The following IPMK variants were observed in gnomAD, a reference collection of about 807,000 sequenced individuals.
The protein encoded by IPMK is inositol polyphosphate multikinase, also known as inositol 1,3,4,6-tetrakisphosphate 5-kinase.
A neutral mutation model predicts 45.8 loss-of-function variants in IPMK; 17 were observed. The ratio of observed to expected loss-of-function variants is 0.37; its 90% CI spans 0.25 to 0.56. The LOEUF is 0.56. IPMK is among the 20% of genes least tolerant of loss of function. The pLI is 0.79. For missense variants in IPMK, 399 were observed against 498.0 expected, an observed-to-expected ratio of 0.80 and a Z score of 1.89; for synonymous variants, 180 against 184.3, an observed-to-expected ratio of 0.98 and a Z score of 0.19.
intron 3 of IPMK, among the ~76,000 whole-genome samples, chr10:58,223,909 AT>A (rs1838374937): frequency 6.6e-6 from 1 of 152,072 alleles, no homozygotes; most frequent in Non-Finnish European, 1.5e-5. Context: ...TTCCACCATG[AT>A]TTTAAGTTTC....
intron 4 of IPMK, chr10:58,212,940 C>T (rs1007779171): frequency 4.7e-6 from 1 of 212,520 alleles, no homozygotes; most frequent in Non-Finnish European, 1.0e-5. Context: ...TATTCCCCTC[C>T]ACCACCAGGC....
At chr10:58,238,508 ACGTCAAAATC>A (rs1188899039) in intron 1 of IPMK, among the ~76,000 whole-genome samples, 8 of 152,360 alleles carry the variant, frequency 5.3e-5, no homozygotes, top group Admixed American at 3.3e-4. Context: ...CCAAATTTAT[ACGTCAAAATC>A]TTAAATTTTG....
chr10:58,244,066 T>A (rs1838747517), intron 1 of IPMK, among the ~76,000 whole-genome samples: 1 of 148,354 alleles, frequency 6.7e-6, no homozygotes, highest in Non-Finnish European at 1.5e-5. Flanking sequence ...CCGCTCTTCG[T>A]CTGGGAGGTG....
intron 1 of IPMK, 55 bp downstream of exon 1, chr10:58,267,367 A>G: frequency 6.3e-7 from 1 of 1,575,460 alleles, no homozygotes; most frequent in Non-Finnish European, 8.7e-7. Flanking sequence ...CTCCGCTGAC[A>G]GGGGGCTCGC....
chr10:58,195,238 T>C lies in IPMK; in HGVS notation c.*838A>G, dbSNP rs1837874174. ...AATAAAACTTCAATTATTTACTTTT[T>C]TGAAGCTGCATTTAGATACAAAGGT... On this transcript the variant is annotated 3_prime_UTR_variant, in exon 6 of 6. Transcript: ENST00000373935. The C allele has an allele frequency of 6.6e-6, 1 of 152,136 alleles. No individual in the cohort carries two copies. The highest frequency in any genetic ancestry group is 1.5e-5 in the Non-Finnish European group (1 of 67,934). The allele number at this position is 152,136 out of a possible 1,614,324, so 9.4% of individuals were successfully genotyped here.
At position 58,267,494 on chromosome 10, in the gene IPMK, G is replaced by C; in HGVS notation, c.118C>G (p.Leu40Val). 1 of 1,613,606 alleles carries C rather than the reference G, an allele frequency of 6.2e-7. No individual in the cohort carries two copies. Among genetic ancestry groups the C allele is most frequent in the Admixed American group, 1.7e-5 (1 of 60,000 alleles). ...GGCACGCAGCCGTTGAGGAAGCGGA[G>C]TCTGCCGCCCGCCGGCTGCGGGGTG... Reference protein sequence around the residue: ...EGTPQPAGGRLRFLNGCVPLS... With the variant: ...EGTPQPAGGRVRFLNGCVPLS... The change falls in exon 1 of 6, where the codon CTC (leucine) becomes GTC (valine). Residue 40 changes from leucine (L) to valine (V), a missense_variant. Leu to Val is a conservative substitution (Grantham distance 32). Transcript: ENST00000373935.
chr10:58,247,324 T>C (rs1292164381), intron 1 of IPMK, among the ~76,000 whole-genome samples: 2 of 151,616 alleles, frequency 1.3e-5, no homozygotes, highest in African/African-American at 4.9e-5. Context: ...CAAAGGATTA[T>C]AAATCATGCT....
rs576923391 is a variant in IPMK at position 58,217,761 on chromosome 10, T to C, written c.374-1444A>G. On this transcript the variant is annotated intron_variant, in intron 3 of 5. Coordinates refer to ENST00000373935, the MANE Select transcript of IPMK (RefSeq NM_152230.5). ...TCATGACTCATTTTTTAGTTAGGAA[T>C]GTAACAAGAAGTATTTCTCCTCAAA... Among the ~76,000 whole-genome samples, 15 of 149,200 alleles carry C rather than the reference T, an allele frequency of 1.0e-4. No individual in the cohort carries two copies. The South Asian group carries it at 3.2e-3, about 31-fold the overall frequency.
chr10:58,211,613 G>A (rs940850105), intron 4 of IPMK, among the ~76,000 whole-genome samples: 13 of 152,008 alleles, frequency 8.6e-5, no homozygotes, highest in Non-Finnish European at 7.4e-5. Flanking sequence ...TCCCAGCACT[G>A]CTTGGGATTG....
intron 4 of IPMK, among the ~76,000 whole-genome samples, chr10:58,210,571 T>C (rs1262142700): frequency 6.6e-6 from 1 of 152,180 alleles, no homozygotes; most frequent in East Asian, 1.9e-4. Context: ...TGAGATCCCA[T>C]GTGAAATATA....
At chr10:58,260,384 CA>C (rs959755585) in intron 1 of IPMK, among the ~76,000 whole-genome samples, 1 of 152,106 alleles carries the variant, frequency 6.6e-6, no homozygotes, top group African/African-American at 2.4e-5. Context: ...GGAATAATGG[CA>C]AAAGCCAAAT....
intron 1 of IPMK, among the ~76,000 whole-genome samples, chr10:58,248,262 A>C (rs548440977): frequency 1.1e-4 from 16 of 152,256 alleles, no homozygotes; most frequent in African/African-American, 3.9e-4. Context: ...TTGCACATCA[A>C]TGTGCATGTA....
intron 1 of IPMK, among the ~76,000 whole-genome samples, chr10:58,244,469 G>A (rs994072791): frequency 3.1e-4 from 37 of 121,122 alleles, no homozygotes; most frequent in African/African-American, 1.1e-3. Context: ...CCCGGCCGCC[G>A]CCCCGTCTGG....
intron 3 of IPMK, 32 bp downstream of exon 3, chr10:58,227,011 A>G (rs1448319677): frequency 6.8e-7 from 1 of 1,474,772 alleles, no homozygotes; most frequent in Non-Finnish European, 9.5e-7. Context: ...TCATGAATTA[A>G]AACTGAAAGA....
At chr10:58,221,488 T>C (rs1341014485) in intron 3 of IPMK, among the ~76,000 whole-genome samples, 1 of 152,140 alleles carries the variant, frequency 6.6e-6, no homozygotes, top group Non-Finnish European at 1.5e-5. Flanking sequence ...ATAAAAAAGA[T>C]GACAGCAAAT....
Position 58,228,476 on chromosome 10 carries a change from G to A in IPMK, c.277-1337C>T, listed in dbSNP as rs573147876. On this transcript the variant is annotated intron_variant, in intron 2 of 5. Coordinates refer to ENST00000373935, the MANE Select transcript of IPMK (RefSeq NM_152230.5). Reference sequence around the variant, plus strand: ...TTTAGAATATTTTTTAAAAGTAGTGGGACTGGTGTTTACTGCAACATGCCA... The same window carrying A: ...TTTAGAATATTTTTTAAAAGTAGTGAGACTGGTGTTTACTGCAACATGCCA... Among the ~76,000 whole-genome samples, 528 of 152,254 alleles carry A rather than the reference G, an allele frequency of 3.5e-3. 2 individuals carry two copies. Among genetic ancestry groups the A allele is most frequent in the Non-Finnish European group, 5.6e-3 (378 of 68,002 alleles).
At chr10:58,261,484 G>A (rs937418931) in intron 1 of IPMK, among the ~76,000 whole-genome samples, 2 of 129,360 alleles carry the variant, frequency 1.5e-5, no homozygotes, top group African/African-American at 7.7e-5. Context: ...AATTTAAACA[G>A]AAACAAATGA....
intron 1 of IPMK, among the ~76,000 whole-genome samples, chr10:58,243,730 C>T (rs183753378): frequency 6.6e-6 from 1 of 152,308 alleles, no homozygotes; most frequent in East Asian, 1.9e-4. Flanking sequence ...ACCTCCACCT[C>T]CCAGCCGCGT....
chr10:58,199,541 G>A (rs2031355892), intron 4 of IPMK, among the ~76,000 whole-genome samples: 1 of 152,066 alleles, frequency 6.6e-6, no homozygotes, highest in African/African-American at 2.4e-5. Flanking sequence ...TATAAGGATA[G>A]ATGAATATTT....
Sources: allele counts gnomAD v4.1 joint callset (sites outside exome capture counted in the v4.1 genomes callset), GRCh38; gene constraint gnomAD v4.1.1; transcripts MANE v1.5; gene names NCBI Gene and HGNC (gene_info 2026-07-23, HGNC 2026-07-21).